The following PTPRE variants were observed in gnomAD, a reference collection of about 807,000 sequenced individuals.
PTPRE encodes the protein protein tyrosine phosphatase receptor type E.
Under a neutral mutation model 102.0 loss-of-function variants are expected in PTPRE, and 51 were observed. That is an observed-to-expected ratio of 0.50 (90% CI 0.40 to 0.63). PTPRE has a LOEUF of 0.63. PTPRE is among the 30% of genes least tolerant of loss of function. The probability of loss-of-function intolerance (pLI) is 0.00; values close to 1 mark genes in which losing one functional copy is unlikely to be tolerated. For synonymous variants in PTPRE, 345 were observed against 348.2 expected (o/e 0.99, Z 0.10); for missense variants, 752 against 915.1 (o/e 0.82, Z 2.30).
chr10:128,079,829 T>TGTAATGTTTC, intron 20 of PTPRE, 134 bp downstream of exon 20: 1 of 1,227,706 alleles, frequency 8.1e-7, no homozygotes, highest in Non-Finnish European at 1.1e-6. Flanking sequence ...AAGAGCCAGC[T>TGTAATGTTTC]GCAATGTTTC....
At chr10:128,030,825 A>C (rs1846685030) in intron 2 of PTPRE, among the ~76,000 whole-genome samples, 1 of 151,282 alleles carries the variant, frequency 6.6e-6, no homozygotes, top group South Asian at 2.1e-4. Flanking sequence ...GGCCTCCCTC[A>C]CCTCCCCAGC....
chr10:128,029,430 T>C (rs143377524), intron 2 of PTPRE, among the ~76,000 whole-genome samples: 102 of 152,196 alleles, frequency 6.7e-4, no homozygotes, highest in African/African-American at 2.2e-3. Flanking sequence ...CCATGGGGCG[T>C]CTGAAGCAGG....
intron 1 of PTPRE, among the ~76,000 whole-genome samples, chr10:127,943,875 G>C (rs766853075): frequency 6.6e-6 from 1 of 152,192 alleles, no homozygotes; most frequent in Admixed American, 6.5e-5. Flanking sequence ...CCACTGCTGG[G>C]GTGGCAGTAT....
intron 11 of PTPRE, among the ~76,000 whole-genome samples, chr10:128,067,240 G>A (rs111210297): frequency 3.9e-4 from 33 of 85,348 alleles, no homozygotes; most frequent in Middle Eastern, 0.016. Context: ...ATGCACACAC[G>A]CACACACATT....
At chr10:128,007,193 G>A (rs1854645679) in intron 2 of PTPRE, among the ~76,000 whole-genome samples, 1 of 152,120 alleles carries the variant, frequency 6.6e-6, no homozygotes, top group Non-Finnish European at 1.5e-5. Flanking sequence ...AGGGGATGTG[G>A]CTGAGTGTTT....
chr10:128,043,246 T>C (rs967857124), intron 3 of PTPRE, among the ~76,000 whole-genome samples: 1 of 152,196 alleles, frequency 6.6e-6, no homozygotes, highest in Non-Finnish European at 1.5e-5. Context: ...CTCACCATCA[T>C]GTAGAATCAG....
chr10:127,982,138 A>G, intron 1 of PTPRE, 136 bp from the exon 2 acceptor site: 1 of 376,256 alleles, frequency 2.7e-6, no homozygotes, highest in Non-Finnish European at 4.8e-6. Flanking sequence ...CTAGATAAAG[A>G]GGTCTCCAGA....
At chr10:127,968,009 GGTGTGTGT>G (rs142445895) in intron 1 of PTPRE, among the ~76,000 whole-genome samples, 31 of 143,224 alleles carry the variant, frequency 2.2e-4, no homozygotes, top group African/African-American at 4.2e-4. Flanking sequence ...TTGCTCTATA[GGTGTGTGT>G]GTGTGTGTGT....
chr10:128,055,980 A>G (rs1253315876), intron 6 of PTPRE, 143 bp from the exon 7 acceptor site: 2 of 649,008 alleles, frequency 3.1e-6, no homozygotes, highest in Non-Finnish European at 5.4e-6. Context: ...TGCCTGGTGC[A>G]AGGTCTGAGG....
chr10:127,997,406 C>T (rs536881712), intron 2 of PTPRE, among the ~76,000 whole-genome samples: 15 of 152,300 alleles, frequency 9.8e-5, no homozygotes, highest in African/African-American at 3.6e-4. Flanking sequence ...AACATCCTCC[C>T]CCAACCTGGA....
At chr10:128,059,102 A>G (rs1849274116) in intron 7 of PTPRE, among the ~76,000 whole-genome samples, 1 of 152,224 alleles carries the variant, frequency 6.6e-6, no homozygotes, top group African/African-American at 2.4e-5. Context: ...AGAAACTGCA[A>G]GATTCTAAAT....
intron 1 of PTPRE, among the ~76,000 whole-genome samples, chr10:127,978,963 G>A (rs1851401269): frequency 6.6e-6 from 1 of 152,196 alleles, no homozygotes; most frequent in Non-Finnish European, 1.5e-5. Flanking sequence ...AGGGGCTGCA[G>A]TGAGCCAAGA....
intron 1 of PTPRE, among the ~76,000 whole-genome samples, chr10:127,908,351 G>A (rs1845635063): frequency 6.6e-6 from 1 of 151,878 alleles, no homozygotes; most frequent in African/African-American, 2.4e-5. Context: ...TTGACCCAGG[G>A]CGTCTGGAGG....
chr10:128,064,897 G>A (rs982390035), intron 10 of PTPRE, among the ~76,000 whole-genome samples: 1 of 152,194 alleles, frequency 6.6e-6, no homozygotes, highest in Admixed American at 6.5e-5. Context: ...GATCGGGTGG[G>A]AGGGAGGCAG....
intron 2 of PTPRE, among the ~76,000 whole-genome samples, chr10:128,022,534 C>T (rs1223902124): frequency 8.5e-5 from 13 of 152,296 alleles, no homozygotes; most frequent in South Asian, 2.1e-4. Context: ...CACACACCTC[C>T]CTGTGCTCCT....
At chr10:128,016,627 C>T (rs914365108) in intron 2 of PTPRE, among the ~76,000 whole-genome samples, 47 of 151,980 alleles carry the variant, frequency 3.1e-4, no homozygotes, top group African/African-American at 1.1e-3. Flanking sequence ...GAACAGCACC[C>T]AGGTGGCCGA....
chr10:128,006,620 G>A (rs1366368995), intron 2 of PTPRE, among the ~76,000 whole-genome samples: 1 of 152,116 alleles, frequency 6.6e-6, no homozygotes, highest in East Asian at 1.9e-4. Flanking sequence ...GCTGGAAGAC[G>A]TCTGAGTTCA....
intron 2 of PTPRE, among the ~76,000 whole-genome samples, chr10:127,992,013 G>A (rs1200422624): frequency 6.6e-6 from 1 of 152,106 alleles, no homozygotes; most frequent in Non-Finnish European, 1.5e-5. Context: ...GAGCCCACCG[G>A]GTGAGCAGCT....
chr10:127,991,553 A>T (rs1435101959), intron 2 of PTPRE, among the ~76,000 whole-genome samples: 1 of 152,232 alleles, frequency 6.6e-6, no homozygotes, highest in Non-Finnish European at 1.5e-5. Flanking sequence ...CTAGAAAAGG[A>T]GCCTGTCTCA....
Sources: gnomAD v4.1 joint callset for allele counts (sites outside exome capture counted in the v4.1 genomes callset) on GRCh38, gnomAD v4.1.1 for gene constraint, MANE v1.5 for transcripts, NCBI Gene and HGNC (gene_info 2026-07-23, HGNC 2026-07-21) for gene names.